TRAF3IP1: variants seen among roughly 807,000 people sequenced by gnomAD.
TRAF3IP1 encodes the protein TRAF3-interacting protein 1.
Under a neutral mutation model 89.9 loss-of-function variants are expected in TRAF3IP1, and 53 were observed. The ratio of observed to expected loss-of-function variants is 0.59; its 90% confidence interval spans 0.47 to 0.74. The LOEUF (loss-of-function observed/expected upper bound fraction) is 0.74. Ranked by LOEUF, TRAF3IP1 falls within the 30% of genes least tolerant of loss-of-function variation. The probability of loss-of-function intolerance (pLI) is 0.00; values close to 1 mark genes in which losing one functional copy is unlikely to be tolerated. For missense variants in TRAF3IP1, 806 were observed against 866.1 expected (o/e 0.93, Z 0.87); for synonymous variants, 311 against 322.1 (o/e 0.97, Z 0.37).
intron 7 of TRAF3IP1, among the ~76,000 whole-genome samples, chr2:238,335,735 C>T (rs1208450378): frequency 6.6e-6 from 1 of 151,646 alleles, no homozygotes; most frequent in Middle Eastern, 3.2e-3. Flanking sequence ...ATGTTGGTCA[C>T]AGTGGTTGCT....
intron 1 of TRAF3IP1, among the ~76,000 whole-genome samples, chr2:238,324,268 T>C (rs1697701849): frequency 6.6e-6 from 1 of 151,960 alleles, no homozygotes; most frequent in Non-Finnish European, 1.5e-5. Flanking sequence ...GGGTTTCACC[T>C]TGTTGGCCAG....
At chr2:238,373,357 C>A (rs1049248388) in intron 15 of TRAF3IP1, among the ~76,000 whole-genome samples, 4 of 152,146 alleles carry the variant, frequency 2.6e-5, no homozygotes, top group African/African-American at 4.8e-5. Context: ...ATATGGCTAG[C>A]CAGTTTTCCC....
chr2:238,397,409 C>A, intron 15 of TRAF3IP1, 50 bp from the exon 16 acceptor site: 1 of 1,567,210 alleles, frequency 6.4e-7, no homozygotes, highest in Non-Finnish European at 8.8e-7. Flanking sequence ...CCCTGTTCTG[C>A]CTTTGGACTG....
chr2:238,353,815 C>A (rs1224617541), intron 14 of TRAF3IP1, among the ~76,000 whole-genome samples: 1 of 152,058 alleles, frequency 6.6e-6, no homozygotes, highest in African/African-American at 2.4e-5. Flanking sequence ...GCCCTGTCAC[C>A]CAGGCTGGAG....
intron 1 of TRAF3IP1, among the ~76,000 whole-genome samples, chr2:238,324,074 T>C (rs1372804679): frequency 6.6e-6 from 1 of 152,164 alleles, no homozygotes; most frequent in Non-Finnish European, 1.5e-5. Flanking sequence ...TTTCTTTTCT[T>C]TCTTTTTTTT....
At chr2:238,397,113 A>G (rs959517725) in intron 15 of TRAF3IP1, among the ~76,000 whole-genome samples, 1 of 152,202 alleles carries the variant, frequency 6.6e-6, no homozygotes, top group Non-Finnish European at 1.5e-5. Context: ...AGCTCTTGTA[A>G]CAATAGCTAC....
chr2:238,352,974 T>C (rs1184615346), intron 13 of TRAF3IP1, 24 bp downstream of exon 13: 6 of 1,596,112 alleles, frequency 3.8e-6, no homozygotes, highest in Non-Finnish European at 5.1e-6. Context: ...AATATGATGT[T>C]TTTTAATAAT....
At chr2:238,331,778 C>T (rs1219944588) in intron 5 of TRAF3IP1, among the ~76,000 whole-genome samples, 1 of 152,154 alleles carries the variant, frequency 6.6e-6, no homozygotes, top group Non-Finnish European at 1.5e-5. Flanking sequence ...TGCTGTGAGG[C>T]GCCTCCCGAG....
chr2:238,397,501 A>C lies in TRAF3IP1; in HGVS notation c.1732A>C (p.Ile578Leu). 2 of 1,613,086 alleles carry C rather than the reference A, an allele frequency of 1.2e-6. No homozygotes were observed. The highest frequency in any genetic ancestry group is 8.5e-7 in the Non-Finnish European group (1 of 1,179,910). The change falls in exon 16 of 17, where the codon ATC becomes CTC. Residue 578 changes from isoleucine (I) to leucine (L), a missense_variant. Ile to Leu is a conservative substitution (Grantham distance 5). Transcript: ENST00000373327. ...FESAWKKEKD[I>L]VSKEIEKLRT... The stretch of plus-strand genomic sequence containing the variant: ...GTCGGCATGGAAGAAGGAGAAGGAC[A>C]TCGTTTCCAAGGAGATAGAGAAGCT...
chr2:238,365,991 A>G (rs1479364361), intron 15 of TRAF3IP1, among the ~76,000 whole-genome samples: 1 of 152,208 alleles, frequency 6.6e-6, no homozygotes, highest in Admixed American at 6.5e-5. Context: ...CACGCCTGTA[A>G]TCCTAGCACT....
At chr2:238,381,182 G>GGTCA (rs1323460730) in intron 15 of TRAF3IP1, among the ~76,000 whole-genome samples, 1 of 149,560 alleles carries the variant, frequency 6.7e-6, no homozygotes, top group East Asian at 2.0e-4. Flanking sequence ...GGAACTCCTG[G>GGTCA]GTCAGCTAGG....
rs556738383 is a variant in TRAF3IP1, at chr2:238,367,899, C to T, written c.1689+11819C>T. On this transcript the variant is annotated intron_variant, in intron 15 of 16. Coordinates refer to ENST00000373327, the MANE Select transcript of TRAF3IP1 (RefSeq NM_015650.4). Reference sequence around the variant, plus strand: ...TCCCTGTCTCAGTGCGGGGTGGGCGCGTTGAGCTGCTTTTTTTGGAGCAAC... The same window carrying T: ...TCCCTGTCTCAGTGCGGGGTGGGCGTGTTGAGCTGCTTTTTTTGGAGCAAC... Among the ~76,000 whole-genome samples the T allele has an allele frequency of 1.7e-4, 26 of 152,122 alleles. 1 individual carries two copies. In the East Asian group the frequency reaches 4.2e-3, roughly 25 times the overall value.
chr2:238,397,627 A>G lies in TRAF3IP1; in HGVS notation c.1858A>G (p.Met620Val). ...DVDAMQNELQ[M>V]WHSENRQHAE... Reference sequence around the variant, plus strand: ...GGATGCCATGCAGAATGAGCTGCAGATGTGGCACAGCGAGAACAGGCAGCA... The same window carrying G: ...GGATGCCATGCAGAATGAGCTGCAGGTGTGGCACAGCGAGAACAGGCAGCA... The change falls in exon 16 of 17, where the codon ATG becomes GTG. Residue 620 changes from methionine to valine, a missense_variant. This residue lies in a region of TRAF3IP1 where 732 missense variants were observed against 780.5 expected (regional missense o/e 0.94). Transcript: ENST00000373327. 1 of 1,607,782 alleles carries G rather than the reference A, an allele frequency of 6.2e-7. No individual in the cohort carries two copies. Among genetic ancestry groups the G allele is most frequent in the Non-Finnish European group, 8.5e-7 (1 of 1,175,966 alleles).
At chr2:238,336,118 C>T (rs780225285) in intron 7 of TRAF3IP1, among the ~76,000 whole-genome samples, 1 of 152,082 alleles carries the variant, frequency 6.6e-6, no homozygotes, top group Non-Finnish European at 1.5e-5. Flanking sequence ...TCCAGTAGTT[C>T]TTCTGTTGAT....
At chr2:238,384,439 C>A (rs1700679570) in intron 15 of TRAF3IP1, among the ~76,000 whole-genome samples, 1 of 151,278 alleles carries the variant, frequency 6.6e-6, no homozygotes, top group African/African-American at 2.4e-5. Context: ...GTGGTGTGAT[C>A]TTGGCTTACT....
chr2:238,345,819 C>T lies in TRAF3IP1; in HGVS notation c.1261+1221C>T, dbSNP rs1357073028. ...TGGGTGGGGACTGGGTCACCTAGGA[C>T]GAGATTGTGAGTGCAGGAGCTGGCA... On this transcript the variant is annotated intron_variant, in intron 9 of 16. Transcript: ENST00000373327. This position sits in a 1 kb window ranked among gnomAD's most constrained non-coding sequence, Gnocchi z 4.7. Among the ~76,000 whole-genome samples the T allele has an allele frequency of 6.6e-5, 10 of 151,910 alleles. No individual in the cohort carries two copies. Among genetic ancestry groups the T allele is most frequent in the African/African-American group, 1.2e-4 (5 of 41,344 alleles).
chr2:238,367,580 C>T (rs979820091), intron 15 of TRAF3IP1, among the ~76,000 whole-genome samples: 14 of 152,190 alleles, frequency 9.2e-5, no homozygotes, highest in East Asian at 1.9e-4. Context: ...TCTTGCTCCT[C>T]GTGGGACTGA....
At chr2:238,393,644 A>G (rs1456672865) in intron 15 of TRAF3IP1, among the ~76,000 whole-genome samples, 3 of 152,208 alleles carry the variant, frequency 2.0e-5, no homozygotes, top group South Asian at 2.1e-4. Flanking sequence ...ATTTAAATCC[A>G]TAGTCCATTT....
intron 15 of TRAF3IP1, among the ~76,000 whole-genome samples, chr2:238,366,123 T>G (rs1435912558): frequency 6.6e-6 from 1 of 152,006 alleles, no homozygotes; most frequent in Non-Finnish European, 1.5e-5. Context: ...TCCCAGCTAC[T>G]CGGGAGGCTG....
Sources: allele counts gnomAD v4.1 joint callset (sites outside exome capture counted in the v4.1 genomes callset), GRCh38; gene constraint gnomAD v4.1.1; regional missense constraint gnomAD v4.1.1; non-coding constraint Gnocchi (gnomAD v3.1); transcripts MANE v1.5; gene names NCBI Gene and HGNC (gene_info 2026-07-23, HGNC 2026-07-21).